NAV2: variants seen among roughly 807,000 people sequenced by gnomAD.
NAV2 encodes the protein helicase, APC down-regulated 1.
In NAV2, 54 loss-of-function variants were observed where a neutral mutation model predicts 223.2. The ratio of observed to expected loss-of-function variants is 0.24; its 90% CI spans 0.19 to 0.30. The LOEUF (loss-of-function observed/expected upper bound fraction) is 0.30, where lower values mean the gene tolerates loss of function less well. Among genes scored for constraint, NAV2 ranks in the 10% least tolerant of loss-of-function variants. The probability of loss-of-function intolerance (pLI) is 1.00; values close to 1 mark genes in which losing one functional copy is unlikely to be tolerated. For synonymous variants in NAV2, 1,279 were observed against 1,239.3 expected (o/e 1.03, Z -0.67); for missense variants, 2,806 against 3,147.5 (o/e 0.89, Z 2.60).
At chr11:19,638,852 G>T (rs918237171) in intron 1 of NAV2, among the ~76,000 whole-genome samples, 4 of 152,150 alleles carry the variant, frequency 2.6e-5, no homozygotes, top group Non-Finnish European at 4.4e-5. Flanking sequence ...AGTTAGCCAG[G>T]CGTGGTGGCG....
At chr11:19,551,709 C>T (rs1254339235) in intron 1 of NAV2, among the ~76,000 whole-genome samples, 2 of 150,768 alleles carry the variant, frequency 1.3e-5, no homozygotes, top group African/African-American at 4.8e-5. Context: ...GTCCTGCTTC[C>T]TCTCATTTCT....
chr11:19,371,077 C>T (rs1848453411), intron 1 of NAV2, among the ~76,000 whole-genome samples: 2 of 152,162 alleles, frequency 1.3e-5, no homozygotes, highest in Non-Finnish European at 2.9e-5. Flanking sequence ...GCAGGTTAGC[C>T]TCTGTAATCA....
Position 19,426,654 on chromosome 11 carries a change from T to C in NAV2, c.75+75627T>C, listed in dbSNP as rs540475874. Among the ~76,000 whole-genome samples, 3 of 152,088 alleles carry C rather than the reference T, an allele frequency of 2.0e-5. No individual in the cohort carries two copies. The East Asian group carries it at 5.8e-4, about 29-fold the overall frequency. ...AGGGAAACCAAATAGGCCATAGCCA[T>C]TGAGAACCTCTTTTCAGGCTTAGAG... On this transcript the variant is annotated intron_variant, in intron 1 of 37. Transcript: ENST00000360655.
At position 20,100,981 on chromosome 11, in the gene NAV2, A is replaced by G. The variant is rs2061598721; in HGVS notation, c.6226A>G (p.Ile2076Val). Residue 2076 changes from isoleucine to valine, a missense_variant, in exon 32 of 38, where the codon ATT becomes GTT. Physicochemically the swap from Ile to Val is conservative, Grantham distance 29 (BLOSUM62 3). Coordinates refer to ENST00000349880, the MANE Select transcript of NAV2 (RefSeq NM_145117.5). ...GGACTCACTGGTGTTTGAGTCCTTG[A>G]TTCCCAAGCCCATCCTGCAGCGCTA... ...SLDSLVFESL[I>V]PKPILQRYVS... The G allele has an allele frequency of 6.2e-7, 1 of 1,614,080 alleles. No individual in the cohort carries two copies. Among genetic ancestry groups the G allele is most frequent in the South Asian group, 1.1e-5 (1 of 91,074 alleles).
At chr11:19,478,646 C>A (rs1243652383) in intron 1 of NAV2, among the ~76,000 whole-genome samples, 1 of 152,212 alleles carries the variant, frequency 6.6e-6, no homozygotes, top group Non-Finnish European at 1.5e-5. Flanking sequence ...AGATAGTGCC[C>A]AATCTAAGCC....
At position 20,056,534 on chromosome 11, in the gene NAV2, A is replaced by G. The variant is rs374328073; in HGVS notation, c.4831+577A>G. The G allele has an allele frequency of 1.4e-5, 22 of 1,608,552 alleles. 1 individual carries two copies. Among genetic ancestry groups the G allele is most frequent in the Non-Finnish European group, 1.8e-5 (21 of 1,175,070 alleles). On this transcript the variant is annotated intron_variant, in intron 19 of 37. Transcript: ENST00000349880. The stretch of plus-strand genomic sequence containing the variant: ...TGTTTGGTTCATTTTAATCAGAATC[A>G]TGGGAGAAAAGTTCTGTGGACAACT...
intron 24 of NAV2, 63 bp from the exon 25 acceptor site, chr11:20,080,001 A>T (rs2059991331): frequency 3.8e-6 from 6 of 1,586,618 alleles, no homozygotes; most frequent in Admixed American, 3.5e-5. Flanking sequence ...AAAGGGCAAA[A>T]TCCTGAGATA....
intron 1 of NAV2, among the ~76,000 whole-genome samples, chr11:19,514,658 G>A (rs1229599833): frequency 6.6e-6 from 1 of 152,092 alleles, no homozygotes; most frequent in African/African-American, 2.4e-5. Context: ...GGCTCACAAA[G>A]GAGAGAATTC....
intron 20 of NAV2, among the ~76,000 whole-genome samples, chr11:20,063,664 C>T (rs925003661): frequency 2.6e-5 from 4 of 152,208 alleles, no homozygotes; most frequent in African/African-American, 7.2e-5. Flanking sequence ...CGTGAGCCAC[C>T]GCGCATGGCT....
intron 10 of NAV2, among the ~76,000 whole-genome samples, chr11:19,967,413 G>C (rs2048860556): frequency 6.6e-6 from 1 of 151,528 alleles, no homozygotes; most frequent in Admixed American, 6.6e-5. Flanking sequence ...TTTTTTTTAG[G>C]AACAGGTAAC....
chr11:19,369,939 A>T (rs1848416298), intron 1 of NAV2, among the ~76,000 whole-genome samples: 2 of 152,178 alleles, frequency 1.3e-5, no homozygotes, highest in African/African-American at 4.8e-5. Flanking sequence ...TTCTGGGTTC[A>T]CTTCTCTGTA....
At chr11:19,960,006 A>G (rs2048219906) in intron 10 of NAV2, among the ~76,000 whole-genome samples, 1 of 152,196 alleles carries the variant, frequency 6.6e-6, no homozygotes, top group South Asian at 2.1e-4. Context: ...TGTTTAAGGG[A>G]AATTCCACCT....
chr11:20,056,681 T>C (rs1304248879), intron 19 of NAV2: 3 of 1,145,784 alleles, frequency 2.6e-6, no homozygotes, highest in African/African-American at 3.0e-5. Flanking sequence ...CCCATGAAGA[T>C]GGGGCTGATG....
chr11:19,934,499 G>A (rs574677049), intron 7 of NAV2, among the ~76,000 whole-genome samples: 1 of 152,228 alleles, frequency 6.6e-6, no homozygotes, highest in Non-Finnish European at 1.5e-5. Flanking sequence ...AGCTGAAGAA[G>A]GGAAGTAAAA....
chr11:19,896,422 A>G (rs927325737), intron 6 of NAV2, among the ~76,000 whole-genome samples: 4 of 152,150 alleles, frequency 2.6e-5, no homozygotes, highest in Admixed American at 1.3e-4. Context: ...ATCACACAGC[A>G]TTTGTCTTTT....
chr11:20,013,305 T>A (rs986351316), intron 11 of NAV2, among the ~76,000 whole-genome samples: 2 of 152,210 alleles, frequency 1.3e-5, no homozygotes, highest in Non-Finnish European at 2.9e-5. Flanking sequence ...TGTAAGTACT[T>A]TCTGTGTGCC....
chr11:19,424,107 T>C (rs1850728916), intron 1 of NAV2, among the ~76,000 whole-genome samples: 1 of 152,254 alleles, frequency 6.6e-6, no homozygotes, highest in Non-Finnish European at 1.5e-5. Context: ...TATGAGCTGC[T>C]TTGGCAGGGA....
intron 1 of NAV2, among the ~76,000 whole-genome samples, chr11:19,792,324 T>C (rs919454712): frequency 6.6e-6 from 1 of 152,208 alleles, no homozygotes; most frequent in Admixed American, 6.5e-5. Flanking sequence ...GGGATTTTGT[T>C]CTAAGTAGTG....
At chr11:19,830,025 G>C (rs775001534) in intron 1 of NAV2, among the ~76,000 whole-genome samples, 1 of 152,138 alleles carries the variant, frequency 6.6e-6, no homozygotes, top group Non-Finnish European at 1.5e-5. Context: ...AGGAATTAGA[G>C]ACCAGCCTGG....
Sources: allele counts gnomAD v4.1 joint callset (sites outside exome capture counted in the v4.1 genomes callset), GRCh38; gene constraint gnomAD v4.1.1; transcripts MANE v1.5; gene names NCBI Gene and HGNC (gene_info 2026-07-23, HGNC 2026-07-21).